The following MAP4K3 variants were observed in gnomAD, a reference collection of about 807,000 sequenced individuals.
MAP4K3 encodes the protein mitogen-activated protein kinase kinase kinase kinase 3, also known as MAPK/ERK kinase kinase kinase 3.
A neutral mutation model predicts 143.5 loss-of-function variants in MAP4K3; 94 were observed. That is an observed-to-expected ratio of 0.65 (90% CI 0.55 to 0.78). The LOEUF (loss-of-function observed/expected upper bound fraction) is 0.78. Among genes scored for constraint, MAP4K3 ranks in the 30% least tolerant of loss-of-function variants. The probability of loss-of-function intolerance (pLI) is 0.00; values close to 1 mark genes in which losing one functional copy is unlikely to be tolerated. For missense variants in MAP4K3, 1,077 were observed against 1,068.1 expected, an observed-to-expected ratio of 1.01 and a Z score of -0.12; for synonymous variants, 416 against 347.2, an observed-to-expected ratio of 1.20 and a Z score of -2.20.
At chr2:39,357,876 T>C (rs559175546) in intron 2 of MAP4K3, among the ~76,000 whole-genome samples, 3 of 152,226 alleles carry the variant, frequency 2.0e-5, no homozygotes, top group South Asian at 2.1e-4. Context: ...AGTGAAAGAG[T>C]TGCATACAGT....
intron 12 of MAP4K3, among the ~76,000 whole-genome samples, chr2:39,316,514 A>G (rs1012816083): frequency 1.3e-5 from 2 of 152,134 alleles, no homozygotes; most frequent in Non-Finnish European, 2.9e-5. Context: ...ATGGTTGGAT[A>G]TGAAAACGGT....
intron 1 of MAP4K3, among the ~76,000 whole-genome samples, chr2:39,433,274 A>G (rs867898485): frequency 1.6e-4 from 24 of 152,338 alleles, no homozygotes; most frequent in African/African-American, 5.1e-4. Context: ...CAGGGACCAG[A>G]CTAAAACCAT....
intron 4 of MAP4K3, among the ~76,000 whole-genome samples, chr2:39,337,854 G>C (rs1665019399): frequency 6.9e-6 from 1 of 145,898 alleles, no homozygotes; most frequent in South Asian, 2.2e-4. Context: ...CGACCTCCTG[G>C]GCTCAAGTGA....
intron 1 of MAP4K3, among the ~76,000 whole-genome samples, chr2:39,417,215 C>CTTTTTTTTT (rs1243263619): frequency 7.5e-6 from 1 of 133,806 alleles, no homozygotes; most frequent in African/African-American, 2.7e-5. Context: ...GGTTTCTTTT[C>CTTTTTTTTT]TTTTTTTTTT....
At chr2:39,336,180 A>T (rs939938842) in intron 6 of MAP4K3, among the ~76,000 whole-genome samples, 2 of 152,130 alleles carry the variant, frequency 1.3e-5, no homozygotes, top group African/African-American at 4.8e-5. Context: ...TAAATAAAAG[A>T]CTATGAGAAG....
At position 39,250,438 on chromosome 2, in the gene MAP4K3, T is replaced by C. The variant is rs1474521149; in HGVS notation, c.*180A>G. On this transcript the variant is annotated 3_prime_UTR_variant, in exon 34 of 34. Transcript: ENST00000263881. ...TGAATTAAGCACTTGTGTGGTTCAA[T>C]ATGCTAAATATATCCATACCACTTA... 3 of 521,798 alleles carry C rather than the reference T, an allele frequency of 5.7e-6. No individual in the cohort carries two copies. The highest frequency in any genetic ancestry group is 1.0e-5 in the Non-Finnish European group (3 of 294,732). 32.3% of individuals were successfully genotyped at this position (521,798 alleles called of 1,614,324 possible). A position where few individuals can be genotyped will look rare whatever the true frequency, so the allele number is the denominator to read the frequency against.
At chr2:39,326,660 G>T (rs1418133816) in intron 8 of MAP4K3, among the ~76,000 whole-genome samples, 2 of 152,150 alleles carry the variant, frequency 1.3e-5, no homozygotes, top group Admixed American at 1.3e-4. Context: ...GGGGCAGAAT[G>T]ATATGGTTTG....
chr2:39,330,382 G>T (rs1683644081), intron 8 of MAP4K3, among the ~76,000 whole-genome samples: 1 of 152,188 alleles, frequency 6.6e-6, no homozygotes, highest in South Asian at 2.1e-4. Context: ...TATCAATCAT[G>T]TACAAGGATA....
chr2:39,289,029 G>A (rs1429720095), intron 19 of MAP4K3, among the ~76,000 whole-genome samples: 1 of 152,164 alleles, frequency 6.6e-6, no homozygotes, highest in Non-Finnish European at 1.5e-5. Context: ...TCCAGCCTGG[G>A]CGAAAGAGCG....
intron 1 of MAP4K3, among the ~76,000 whole-genome samples, chr2:39,411,927 A>G (rs1158200954): frequency 2.0e-5 from 3 of 152,230 alleles, no homozygotes; most frequent in African/African-American, 7.2e-5. Context: ...AGAGTTTACA[A>G]AGTATGTCAC....
intron 2 of MAP4K3, among the ~76,000 whole-genome samples, chr2:39,369,666 T>A (rs1666028933): frequency 6.6e-6 from 1 of 152,190 alleles, no homozygotes; most frequent in Non-Finnish European, 1.5e-5. Context: ...TCTTGAAGGC[T>A]CATCTGAAGT....
Position 39,278,413 on chromosome 2 carries a change from C to A in MAP4K3, c.1788G>T (p.Met596Ile). 6.4e-7 allele frequency: 1 copy of A among 1,571,172 alleles called. No homozygotes were observed. The highest frequency in any genetic ancestry group is 8.7e-7 in the Non-Finnish European group (1 of 1,152,508). Reference sequence around the variant, plus strand: ...AATATACAAAATAACATACCTGTTCCATTGATGTTTCATGAAGTTCATTAA... The same window carrying A: ...AATATACAAAATAACATACCTGTTCAATTGATGTTTCATGAAGTTCATTAA... Reference protein sequence around the residue: ...LNLNELHETSMEQLFPRRCTW... With the variant: ...LNLNELHETSIEQLFPRRCTW... The change falls in exon 24 of 34, where the codon ATG (methionine) becomes ATT (isoleucine). Residue 596 changes from methionine to isoleucine, a missense_variant. Met to Ile is a conservative substitution (Grantham distance 10). Coordinates refer to ENST00000263881, the MANE Select transcript of MAP4K3 (RefSeq NM_003618.4).
intron 1 of MAP4K3, among the ~76,000 whole-genome samples, chr2:39,417,649 T>C (rs1405310453): frequency 1.3e-5 from 2 of 152,202 alleles, no homozygotes; most frequent in African/African-American, 2.4e-5. Flanking sequence ...GACAGAGAGA[T>C]ACTAAAATAA....
At chr2:39,251,594 C>CAG (rs2148428196) in intron 33 of MAP4K3, among the ~76,000 whole-genome samples, 1 of 152,316 alleles carries the variant, frequency 6.6e-6, no homozygotes, top group African/African-American at 2.4e-5. Flanking sequence ...TGCTGCAAAT[C>CAG]AGATGTCAGT....
intron 1 of MAP4K3, among the ~76,000 whole-genome samples, chr2:39,390,023 G>A (rs1268977792): frequency 6.6e-6 from 1 of 152,126 alleles, no homozygotes; most frequent in Non-Finnish European, 1.5e-5. Context: ...GAATAATTTG[G>A]GGTCTTAGGT....
At chr2:39,405,941 G>A (rs558946635) in intron 1 of MAP4K3, among the ~76,000 whole-genome samples, 2 of 152,106 alleles carry the variant, frequency 1.3e-5, no homozygotes, top group East Asian at 3.9e-4. Context: ...TGATCTTTTA[G>A]AAAGAGAATT....
chr2:39,271,467 C>A (rs1456181146), intron 26 of MAP4K3, among the ~76,000 whole-genome samples: 2 of 152,070 alleles, frequency 1.3e-5, no homozygotes, highest in Non-Finnish European at 2.9e-5. Context: ...ACAATTTATA[C>A]CAGAGCTAGA....
intron 13 of MAP4K3, among the ~76,000 whole-genome samples, chr2:39,313,283 C>T (rs142905668): frequency 1.3e-4 from 20 of 152,188 alleles, no homozygotes; most frequent in African/African-American, 4.1e-4. Flanking sequence ...AAACTTGCAT[C>T]GCGGGGGTTT....
intron 12 of MAP4K3, among the ~76,000 whole-genome samples, chr2:39,319,242 T>A (rs1002908618): frequency 2.6e-5 from 4 of 151,896 alleles, no homozygotes; most frequent in East Asian, 1.9e-4. Flanking sequence ...TTTTTTTTTT[T>A]AAACCACAAC....
Sources: allele counts gnomAD v4.1 joint callset (sites outside exome capture counted in the v4.1 genomes callset), GRCh38; gene constraint gnomAD v4.1.1; transcripts MANE v1.5; gene names NCBI Gene and HGNC (gene_info 2026-07-23, HGNC 2026-07-21).